Variants in EIF4G2 observed in about 807,000 individuals in gnomAD.
EIF4G2 encodes the protein eukaryotic translation initiation factor 4 gamma 2.
EIF4G2 carries 8 observed loss-of-function variants against 117.7 expected under a neutral mutation model. The observed-to-expected ratio is 0.07, with a 90% CI of 0.04 to 0.12. The LOEUF (loss-of-function observed/expected upper bound fraction) is 0.12. Ranked by LOEUF, EIF4G2 falls within the 10% of genes least tolerant of loss-of-function variation. EIF4G2 has a pLI of 1.00. For missense variants in EIF4G2, 812 were observed against 1,086.2 expected (o/e 0.75, Z 3.55); for synonymous variants, 413 against 367.8 (o/e 1.12, Z -1.41).
In EIF4G2 at chr11:10,803,705, T is replaced by C. The variant is rs1038214398; in HGVS notation, c.703-115A>G. ...TTCACAGTTCCTACAGAATCTAGTATAGGGCTTTCTACCAGTCTGGTTGAT... is the reference window on the plus strand; with the variant it reads ...TTCACAGTTCCTACAGAATCTAGTACAGGGCTTTCTACCAGTCTGGTTGAT... On this transcript the variant is annotated intron_variant, in intron 8 of 21. Coordinates refer to ENST00000339995, the MANE Select transcript of EIF4G2 (RefSeq NM_001418.4). The surrounding 1 kb of genome is among the most constrained non-coding windows in gnomAD (Gnocchi z 4.0). 12 of 1,125,720 alleles carry C rather than the reference T, an allele frequency of 1.1e-5. No individual in the cohort carries two copies. The highest frequency in any genetic ancestry group is 1.5e-5 in the Non-Finnish European group (12 of 775,538). The allele number at this position is 1,125,720 out of a possible 1,614,324, so 69.7% of individuals were successfully genotyped here.
rs146573999 is a variant in EIF4G2, at chr11:10,802,225, C to T, written c.1139-16G>A. 9.1e-5 allele frequency: 146 copies of T among 1,612,676 alleles called. No homozygotes were observed. The highest frequency in any genetic ancestry group is 1.2e-4 in the Non-Finnish European group (138 of 1,179,080). On this transcript the variant is annotated splice_polypyrimidine_tract_variant and intron_variant, in intron 12 of 21. Transcript: ENST00000339995. ...ATTCCGCTACCTTAAAATACATATA[C>T]GGACAACTCTCAAAACTAAAGTTAA...
intron 4 of EIF4G2, 66 bp downstream of exon 4, chr11:10,805,841 G>A: frequency 6.2e-7 from 1 of 1,606,578 alleles, no homozygotes; most frequent in Admixed American, 1.7e-5. Flanking sequence ...TAGTAATACA[G>A]CACACACACC....
chr11:10,808,449 C>T (rs964275784), intron 1 of EIF4G2: 3 of 1,262,262 alleles, frequency 2.4e-6, no homozygotes, highest in South Asian at 1.3e-5. Context: ...CTCGTCCCTG[C>T]AGGCGTCGGC....
intron 3 of EIF4G2, 133 bp from the exon 4 acceptor site, chr11:10,806,180 G>C: frequency 8.1e-7 from 1 of 1,232,012 alleles, no homozygotes; most frequent in Non-Finnish European, 1.1e-6. Flanking sequence ...CTGGAAATTA[G>C]TGCTTCTGGA....
At position 10,803,136 on chromosome 11, in the gene EIF4G2, T is replaced by G; in HGVS notation, c.898-8A>C. 1 of 1,604,012 alleles carries G rather than the reference T, an allele frequency of 6.2e-7. No individual in the cohort carries two copies. The highest frequency in any genetic ancestry group is 8.5e-7 in the Non-Finnish European group (1 of 1,176,644). On this transcript the variant is annotated splice_polypyrimidine_tract_variant and splice_region_variant and intron_variant, in intron 10 of 21. Coordinates refer to ENST00000339995, the MANE Select transcript of EIF4G2 (RefSeq NM_001418.4). This position sits in a 1 kb window ranked among gnomAD's most constrained non-coding sequence, Gnocchi z 4.0. The stretch of plus-strand genomic sequence containing the variant: ...TCGCAACTCTACGGTATCCTTTAAT[T>G]GAAAAATAATTTTATTTTAATATTC...
At chr11:10,807,601 G>C (rs1847618169) in intron 1 of EIF4G2, 3 of 1,177,376 alleles carry the variant, frequency 2.5e-6, no homozygotes, top group Non-Finnish European at 3.2e-6. Context: ...GAACACAAGA[G>C]CATTTTAAAC....
intron 1 of EIF4G2, chr11:10,808,487 G>T: frequency 8.0e-7 from 1 of 1,248,400 alleles, no homozygotes; most frequent in Non-Finnish European, 1.0e-6. Context: ...ACGGCGGCCT[G>T]GCCAACACTG....
intron 14 of EIF4G2, 43 bp from the exon 15 acceptor site, chr11:10,801,130 T>G: frequency 1.2e-6 from 2 of 1,610,364 alleles, no homozygotes; most frequent in Non-Finnish European, 1.7e-6. Context: ...CAACATGCAG[T>G]TGGCGAACAT....
chr11:10,807,978 A>T, intron 1 of EIF4G2: 1 of 1,030,724 alleles, frequency 9.7e-7, no homozygotes, highest in Non-Finnish European at 1.2e-6. Context: ...CCTCCCACCC[A>T]GGCGCAAGTT....
chr11:10,806,440 G>T, intron 3 of EIF4G2: 1 of 321,260 alleles, frequency 3.1e-6, no homozygotes, highest in Non-Finnish European at 5.8e-6. Flanking sequence ...GCCTCCCAAA[G>T]TTGTTGTTGG....
Position 10,803,521 on chromosome 11 carries a change from T to G in EIF4G2, c.772A>C (p.Met258Leu). ...TCTAATCTAGGTCCCACTGTCCTCATTATCTGACAGAGGCACTCCAAATCC... is the reference window on the plus strand; with the variant it reads ...TCTAATCTAGGTCCCACTGTCCTCAGTATCTGACAGAGGCACTCCAAATCC... The change falls in exon 9 of 22, where the codon ATG becomes CTG. Residue 258 changes from methionine (M) to leucine (L), a missense_variant. Met to Leu is a conservative substitution (Grantham distance 15). Around this residue, in one of 4 missense-constraint regions of EIF4G2, gnomAD observed 154 missense variants for 322.1 expected, o/e 0.48. Transcript: ENST00000339995. The surrounding 1 kb of genome is among the most constrained non-coding windows in gnomAD (Gnocchi z 4.0). 1 of 1,614,138 alleles carries G rather than the reference T, an allele frequency of 6.2e-7. No homozygotes were observed. The highest frequency in any genetic ancestry group is 8.5e-7 in the Non-Finnish European group (1 of 1,180,008).
intron 4 of EIF4G2, 50 bp from the exon 5 acceptor site, chr11:10,805,065 G>A (rs1847525085): frequency 2.1e-6 from 3 of 1,421,128 alleles, no homozygotes; most frequent in East Asian, 2.3e-5. Context: ...CACAGAATTT[G>A]AATTGAAAAA....
chr11:10,807,823 C>A, intron 1 of EIF4G2: 1 of 991,388 alleles, frequency 1.0e-6, no homozygotes, highest in Non-Finnish European at 1.2e-6. Flanking sequence ...TTCGCCTCCT[C>A]CCCGTGGAGA....
chr11:10,806,193 A>G (rs1046941508), intron 3 of EIF4G2, 146 bp from the exon 4 acceptor site: 48 of 1,076,064 alleles, frequency 4.5e-5, no homozygotes, highest in African/African-American at 1.1e-4. Context: ...CTTCTGGAAC[A>G]GTAGTGTGCA....
chr11:10,806,216 G>C lies in EIF4G2; in HGVS notation c.108-169C>G. On this transcript the variant is annotated intron_variant, in intron 3 of 21. Coordinates refer to ENST00000339995, the MANE Select transcript of EIF4G2 (RefSeq NM_001418.4). ...ACAGTAGTGTGCATCAGAATCACCT[G>C]AAGGGCTTGTTAATACAGATTGCTG... The C allele has an allele frequency of 5.6e-6, 5 of 886,266 alleles. No individual in the cohort carries two copies. The South Asian group carries it at 7.1e-5, about 13-fold the overall frequency. The allele number at this position is 886,266 out of a possible 1,614,324, so 54.9% of individuals were successfully genotyped here. A position where few individuals can be genotyped will look rare whatever the true frequency, so the allele number is the denominator to read the frequency against.
At position 10,806,707 on chromosome 11, in the gene EIF4G2, A is replaced by T; in HGVS notation, c.107+113T>A. 1.0e-5 allele frequency: 12 copies of T among 1,175,324 alleles called. No individual in the cohort carries two copies. In the South Asian group the frequency reaches 1.6e-4, roughly 16 times the overall value. 72.8% of individuals were successfully genotyped at this position (1,175,324 alleles called of 1,614,324 possible). On this transcript the variant is annotated intron_variant, in intron 3 of 21. Coordinates refer to ENST00000339995, the MANE Select transcript of EIF4G2 (RefSeq NM_001418.4). The stretch of plus-strand genomic sequence containing the variant: ...GTATTTAGGATACCCAACAGAAACC[A>T]CGCCCCTTAAGATTAGGAGTCTTGA...
intron 4 of EIF4G2, among the ~76,000 whole-genome samples, chr11:10,805,352 T>TAGTCA (rs1847535161): frequency 6.6e-6 from 1 of 152,144 alleles, no homozygotes; most frequent in Non-Finnish European, 1.5e-5. Context: ...GCACTTCCCT[T>TAGTCA]AGTCAAGGGA....
chr11:10,805,609 C>T (rs551619765), intron 4 of EIF4G2, among the ~76,000 whole-genome samples: 6 of 152,190 alleles, frequency 3.9e-5, no homozygotes, highest in South Asian at 2.1e-4. Context: ...CCTGCCACTA[C>T]GTCCGGCTAA....
Position 10,797,940 on chromosome 11 carries a change from A to G in EIF4G2, c.2659-59T>C. Reference sequence around the variant, plus strand: ...ATGATATAAACAGAAATCCATCCAAAAAGTTTTAGGTGGTACTACACAGTT... The same window carrying G: ...ATGATATAAACAGAAATCCATCCAAGAAGTTTTAGGTGGTACTACACAGTT... On this transcript the variant is annotated intron_variant, in intron 21 of 21. Coordinates refer to ENST00000339995, the MANE Select transcript of EIF4G2 (RefSeq NM_001418.4). This position sits in a 1 kb window ranked among gnomAD's most constrained non-coding sequence, Gnocchi z 4.5. 1.9e-6 allele frequency: 3 copies of G among 1,546,830 alleles called. No homozygotes were observed. The highest frequency in any genetic ancestry group is 2.2e-5 in the East Asian group (1 of 44,548).
Sources: allele counts gnomAD v4.1 joint callset (sites outside exome capture counted in the v4.1 genomes callset), GRCh38; gene constraint gnomAD v4.1.1; regional missense constraint gnomAD v4.1.1; non-coding constraint Gnocchi (gnomAD v3.1); transcripts MANE v1.5; gene names NCBI Gene and HGNC (gene_info 2026-07-23, HGNC 2026-07-21).